Variants in PTPRG observed in about 807,000 individuals in gnomAD.
PTPRG encodes protein tyrosine phosphatase receptor type G.
In PTPRG, 102 loss-of-function variants were observed where a neutral mutation model predicts 165.3. The ratio of observed to expected loss-of-function variants is 0.62; its 90% CI spans 0.53 to 0.73. The LOEUF is 0.73. Ranked by LOEUF, PTPRG falls within the 30% of genes least tolerant of loss-of-function variation. PTPRG has a pLI of 0.00. For missense variants in PTPRG, 1,866 were observed against 1,861.4 expected, an observed-to-expected ratio of 1.00 and a Z score of -0.05; for synonymous variants, 675 against 669.5, an observed-to-expected ratio of 1.01 and a Z score of -0.13.
At chr3:61,572,831 A>G (rs557184660) in intron 1 of PTPRG, among the ~76,000 whole-genome samples, 14 of 152,346 alleles carry the variant, frequency 9.2e-5, no homozygotes, top group African/African-American at 2.6e-4. Context: ...GTGGTTATTT[A>G]CAATACTCAG....
At chr3:61,610,584 GA>G (rs1701136314) in intron 1 of PTPRG, among the ~76,000 whole-genome samples, 1 of 152,204 alleles carries the variant, frequency 6.6e-6, no homozygotes, top group African/African-American at 2.4e-5. Context: ...GTGATAGTAA[GA>G]ACAGGAACTG....
intron 4 of PTPRG, among the ~76,000 whole-genome samples, chr3:62,070,391 G>T (rs1301546104): frequency 6.6e-6 from 1 of 152,166 alleles, no homozygotes; most frequent in Admixed American, 6.5e-5. Flanking sequence ...GAGATGGCAT[G>T]GATTTTGTTA....
At chr3:62,160,991 G>A (rs1208981158) in intron 7 of PTPRG, among the ~76,000 whole-genome samples, 1 of 149,270 alleles carries the variant, frequency 6.7e-6, no homozygotes, top group Non-Finnish European at 1.5e-5. Flanking sequence ...AATTAAGACT[G>A]TGTGCTTTGG....
chr3:62,131,778 GGCATGTATACCCC>G (rs1432345358), intron 5 of PTPRG, among the ~76,000 whole-genome samples: 1 of 152,060 alleles, frequency 6.6e-6, no homozygotes, highest in African/African-American at 2.4e-5. Flanking sequence ...CTAATCCTGT[GGCATGTATACCCC>G]GCTCACTCCC....
chr3:61,600,605 T>TG (rs1203204676), intron 1 of PTPRG, among the ~76,000 whole-genome samples: 2 of 152,194 alleles, frequency 1.3e-5, no homozygotes, highest in African/African-American at 2.4e-5. Flanking sequence ...AGCGGCACAA[T>TG]GACAGCCCAC....
chr3:62,234,916 G>A (rs944349594), intron 14 of PTPRG, among the ~76,000 whole-genome samples: 12 of 150,550 alleles, frequency 8.0e-5, no homozygotes, highest in African/African-American at 2.7e-4. Context: ...CTGGTTGATC[G>A]TGTGATGTCT....
At chr3:62,109,604 G>T (rs1219173059) in intron 5 of PTPRG, among the ~76,000 whole-genome samples, 8 of 152,078 alleles carry the variant, frequency 5.3e-5, no homozygotes, top group Non-Finnish European at 1.2e-4. Context: ...TGCAGCAGTG[G>T]GTTGTGCCTG....
At chr3:62,116,726 T>G (rs1559526170) in intron 5 of PTPRG, among the ~76,000 whole-genome samples, 1 of 152,190 alleles carries the variant, frequency 6.6e-6, no homozygotes, top group Non-Finnish European at 1.5e-5. Flanking sequence ...ATACTTAACA[T>G]TTGTGTAGCT....
chr3:61,887,170 A>ATATATATATATATATTTTTTTT (rs60282456), intron 2 of PTPRG, among the ~76,000 whole-genome samples: 4 of 115,534 alleles, frequency 3.5e-5, no homozygotes, highest in African/African-American at 1.3e-4. Context: ...ATATATATAT[A>ATATATATATATATATTTTTTTT]TTTTTAATGC....
At chr3:62,249,393 G>A (rs1296039080) in intron 15 of PTPRG, among the ~76,000 whole-genome samples, 1 of 152,094 alleles carries the variant, frequency 6.6e-6, no homozygotes, top group Non-Finnish European at 1.5e-5. Context: ...CCAGTTGTTG[G>A]AGCAGGGTGG....
At chr3:61,836,062 C>CCCA (rs2036450402) in intron 2 of PTPRG, among the ~76,000 whole-genome samples, 12 of 103,648 alleles carry the variant, frequency 1.2e-4, no homozygotes, top group African/African-American at 1.4e-4. Context: ...CCCCCCCCAC[C>CCCA]AAAAAAAAAA....
intron 1 of PTPRG, among the ~76,000 whole-genome samples, chr3:61,615,841 GT>G (rs1366077662): frequency 6.6e-6 from 1 of 152,194 alleles, no homozygotes; most frequent in Non-Finnish European, 1.5e-5. Flanking sequence ...AGAACAAGAA[GT>G]TCCAGGTTCA....
chr3:61,658,417 A>T (rs1575569801), intron 1 of PTPRG, among the ~76,000 whole-genome samples: 1 of 152,160 alleles, frequency 6.6e-6, no homozygotes, highest in African/African-American at 2.4e-5. Context: ...ATAGCCAGAT[A>T]GCTACAGGTT....
chr3:61,870,654 T>G (rs1044560415), intron 2 of PTPRG, among the ~76,000 whole-genome samples: 7 of 151,098 alleles, frequency 4.6e-5, no homozygotes, highest in African/African-American at 1.7e-4. Context: ...GTGCTGGGAT[T>G]ACAGGCATGA....
chr3:62,273,132 T>G lies in PTPRG; in HGVS notation c.3318+51T>G. On this transcript the variant is annotated intron_variant, in intron 22 of 29. Coordinates refer to ENST00000474889, the MANE Select transcript of PTPRG (RefSeq NM_002841.4). This position sits in a 1 kb window ranked among gnomAD's most constrained non-coding sequence, Gnocchi z 4.1. ...ACGACATTCTGGCAAATGCTGTAAC[T>G]GAAATTTGTTAAATGATAATGAAGA... 9 of 1,536,550 alleles carry G rather than the reference T, an allele frequency of 5.9e-6. No individual in the cohort carries two copies. Among genetic ancestry groups the G allele is most frequent in the Non-Finnish European group, 7.9e-6 (9 of 1,141,870 alleles).
intron 2 of PTPRG, among the ~76,000 whole-genome samples, chr3:61,835,839 G>A (rs902832171): frequency 7.2e-5 from 11 of 151,728 alleles, no homozygotes; most frequent in Admixed American, 2.0e-4. Flanking sequence ...TCAGGAGTTC[G>A]AGATCAGCCT....
intron 1 of PTPRG, among the ~76,000 whole-genome samples, chr3:61,649,816 A>T (rs1702300702): frequency 6.6e-6 from 1 of 152,222 alleles, no homozygotes; most frequent in South Asian, 2.1e-4. Context: ...CTTGCTCAAG[A>T]TCATGTGGCT....
At chr3:61,952,109 T>G (rs1215041574) in intron 2 of PTPRG, among the ~76,000 whole-genome samples, 1 of 92,234 alleles carries the variant, frequency 1.1e-5, no homozygotes, top group African/African-American at 4.7e-5. Flanking sequence ...AGATCGACAC[T>G]CCACCTCAGA....
chr3:61,853,123 A>G (rs2037011205), intron 2 of PTPRG, among the ~76,000 whole-genome samples: 1 of 152,232 alleles, frequency 6.6e-6, no homozygotes, highest in South Asian at 2.1e-4. Flanking sequence ...TGGGAAACAG[A>G]CAAAGAGTAA....
Sources: allele counts gnomAD v4.1 joint callset (sites outside exome capture counted in the v4.1 genomes callset), GRCh38; gene constraint gnomAD v4.1.1; non-coding constraint Gnocchi (gnomAD v3.1); transcripts MANE v1.5; gene names NCBI Gene and HGNC (gene_info 2026-07-23, HGNC 2026-07-21).